OSBPL10: variants seen among roughly 807,000 people sequenced by gnomAD.
OSBPL10 encodes oxysterol binding protein like 10.
Under a neutral mutation model 81.7 loss-of-function variants are expected in OSBPL10, and 49 were observed. The ratio of observed to expected loss-of-function variants is 0.60; its 90% CI spans 0.48 to 0.76. The LOEUF (loss-of-function observed/expected upper bound fraction) is 0.76, where lower values mean the gene tolerates loss of function less well. Ranked by LOEUF, OSBPL10 falls within the 30% of genes least tolerant of loss-of-function variation. The probability of loss-of-function intolerance (pLI) is 0.00; values close to 1 mark genes in which losing one functional copy is unlikely to be tolerated. For missense variants in OSBPL10, 923 were observed against 987.8 expected (o/e 0.93, Z 0.88); for synonymous variants, 419 against 383.6 (o/e 1.09, Z -1.08).
At chr3:31,995,471 C>T (rs1371484225) in intron 2 of OSBPL10, among the ~76,000 whole-genome samples, 2 of 152,168 alleles carry the variant, frequency 1.3e-5, no homozygotes, top group African/African-American at 4.8e-5. Flanking sequence ...TTGCCCAACC[C>T]TGCAGGCAGT....
At chr3:31,969,626 G>A (rs1698495089) in intron 1 of OSBPL10, 1 of 152,182 alleles carries the variant, frequency 6.6e-6, no homozygotes, top group African/African-American at 2.4e-5. Flanking sequence ...ATTACTTGAG[G>A]CCAGATTACT....
chr3:31,761,827 A>AAAAAAAAAAAAAAAAAC (rs996116489), intron 4 of OSBPL10, among the ~76,000 whole-genome samples: 21 of 149,540 alleles, frequency 1.4e-4, no homozygotes, highest in African/African-American at 5.1e-4. Flanking sequence ...AAAAAAAAAA[A>AAAAAAAAAAAAAAAAAC]AAAACCCTAA....
chr3:31,712,013 G>A (rs763445619), intron 6 of OSBPL10, among the ~76,000 whole-genome samples: 2 of 152,142 alleles, frequency 1.3e-5, no homozygotes, highest in Non-Finnish European at 2.9e-5. Context: ...TGTCACCAAA[G>A]AGGAGCACTT....
At chr3:31,952,081 A>C (rs913225192) in intron 1 of OSBPL10, among the ~76,000 whole-genome samples, 1 of 151,980 alleles carries the variant, frequency 6.6e-6, no homozygotes, top group Non-Finnish European at 1.5e-5. Context: ...ACATGTTAAC[A>C]TATAGTCATA....
chr3:31,751,050 A>C (rs1461718653), intron 4 of OSBPL10, among the ~76,000 whole-genome samples: 4 of 152,122 alleles, frequency 2.6e-5, no homozygotes, highest in Admixed American at 2.6e-4. Flanking sequence ...TCACGCCTGT[A>C]ATCCCAGCAC....
chr3:31,815,806 C>A (rs897936930), intron 4 of OSBPL10, among the ~76,000 whole-genome samples: 2 of 152,194 alleles, frequency 1.3e-5, no homozygotes, highest in African/African-American at 4.8e-5. Context: ...GACATGAACT[C>A]AGCCAACGTC....
rs1268171090 is a variant in OSBPL10 at position 31,812,774 on chromosome 3, G to GAA, written c.729+17264_729+17265dup. Among the ~76,000 whole-genome samples, 9 of 37,276 alleles carry GAA rather than the reference G, an allele frequency of 2.4e-4. No individual in the cohort carries two copies. The East Asian group carries it at 0.011, about 46-fold the overall frequency. 24.5% of individuals were successfully genotyped at this position (37,276 alleles called of 152,430 possible). A position where few individuals can be genotyped will look rare whatever the true frequency, so the allele number is the denominator to read the frequency against. ...AGAAAGAAAGAAAGAAAGAAAGAAA[G>GAA]AAAGAAAGAAAGAAAGAAAGAAAGA... On this transcript the variant is annotated intron_variant, in intron 4 of 11. Transcript: ENST00000396556.
intron 2 of OSBPL10, among the ~76,000 whole-genome samples, chr3:31,993,435 T>C (rs57035518): frequency 0.35 from 52,542 of 151,744 alleles, 12,728 homozygotes; most frequent in African/African-American, 0.68. Context: ...TTCAAACTCC[T>C]GACCTCAGGT....
At chr3:31,779,032 C>T (rs1698619071) in intron 4 of OSBPL10, among the ~76,000 whole-genome samples, 1 of 152,146 alleles carries the variant, frequency 6.6e-6, no homozygotes, top group Admixed American at 6.5e-5. Flanking sequence ...GAATTCACCA[C>T]CACCAAGCCA....
intron 2 of OSBPL10, among the ~76,000 whole-genome samples, chr3:32,023,228 G>A (rs1699374624): frequency 6.6e-6 from 1 of 152,126 alleles, no homozygotes; most frequent in East Asian, 1.9e-4. Context: ...GGACCCAATG[G>A]GAGGTAATTG....
At chr3:31,684,520 G>A (rs921104631) in intron 7 of OSBPL10, among the ~76,000 whole-genome samples, 13 of 152,328 alleles carry the variant, frequency 8.5e-5, no homozygotes, top group Middle Eastern at 6.8e-3. Context: ...GGAAGGGAGG[G>A]GTCGGCAATC....
At chr3:31,848,320 T>C (rs1343253428) in intron 3 of OSBPL10, among the ~76,000 whole-genome samples, 1 of 151,244 alleles carries the variant, frequency 6.6e-6, no homozygotes, top group Admixed American at 6.6e-5. Context: ...GAATTTCACA[T>C]CTCTCTTTCC....
chr3:31,965,522 CTAT>C (rs1365390525), intron 1 of OSBPL10, among the ~76,000 whole-genome samples: 6 of 29,940 alleles, frequency 2.0e-4, no homozygotes, highest in East Asian at 7.4e-4. Context: ...AATATATAAA[CTAT>C]TATATTATAT....
intron 10 of OSBPL10, among the ~76,000 whole-genome samples, chr3:31,666,978 C>A (rs1374411682): frequency 6.6e-6 from 1 of 152,160 alleles, no homozygotes; most frequent in African/African-American, 2.4e-5. Flanking sequence ...AGAGGTAGCA[C>A]CTTCTCTCTT....
intron 4 of OSBPL10, among the ~76,000 whole-genome samples, chr3:31,772,252 T>C (rs116621312): frequency 6.3e-4 from 96 of 152,334 alleles, no homozygotes; most frequent in Middle Eastern, 3.4e-3. Context: ...CCTTATAAAA[T>C]AAGCCAGTTT....
intron 5 of OSBPL10, among the ~76,000 whole-genome samples, chr3:31,742,764 C>T (rs1192116124): frequency 6.6e-6 from 1 of 152,192 alleles, no homozygotes; most frequent in African/African-American, 2.4e-5. Context: ...CCTCGAATCA[C>T]TTTCTAGGCC....
At chr3:31,692,863 G>A (rs969579401) in intron 7 of OSBPL10, among the ~76,000 whole-genome samples, 7 of 152,196 alleles carry the variant, frequency 4.6e-5, no homozygotes, top group Non-Finnish European at 7.3e-5. Flanking sequence ...GTTGCTCAGC[G>A]CCCCCAAGGG....
At chr3:31,855,868 G>T (rs1294311228) in intron 3 of OSBPL10, among the ~76,000 whole-genome samples, 2 of 151,940 alleles carry the variant, frequency 1.3e-5, no homozygotes, top group Admixed American at 1.3e-4. Context: ...CTCACAGAGG[G>T]CTAGCGATGG....
At chr3:31,909,379 C>A (rs1356059035) in intron 1 of OSBPL10, among the ~76,000 whole-genome samples, 1 of 152,082 alleles carries the variant, frequency 6.6e-6, no homozygotes, top group Non-Finnish European at 1.5e-5. Context: ...TTCTCTGAGG[C>A]TGTCTCTTAA....
Sources: gnomAD v4.1 joint callset for allele counts (sites outside exome capture counted in the v4.1 genomes callset) on GRCh38, gnomAD v4.1.1 for gene constraint, MANE v1.5 for transcripts, NCBI Gene and HGNC (gene_info 2026-07-23, HGNC 2026-07-21) for gene names.